VIL1: variants seen among roughly 807,000 people sequenced by gnomAD.
VIL1 encodes the protein villin-1.
A neutral mutation model predicts 104.0 loss-of-function variants in VIL1; 86 were observed. The ratio of observed to expected loss-of-function variants is 0.83; its 90% CI spans 0.69 to 0.99. The LOEUF is 0.99. Ranked by LOEUF, VIL1 falls within the 50% of genes least tolerant of loss-of-function variation. The pLI is 0.00. For missense variants in VIL1, 944 were observed against 1,054.1 expected (o/e 0.90, Z 1.45); for synonymous variants, 394 against 412.6 (o/e 0.95, Z 0.55).
chr2:218,435,417 C>G lies in VIL1; in HGVS notation c.1809C>G (p.Pro603=). ...NFWMALGGKA[P]YANTKRLQEE... ...GGATGGCCCTGGGTGGGAAGGCCCC[C>G]TATGCCAACACCAAGAGGTAACTCT... is the stretch of plus-strand genomic sequence containing the variant. Residue 603 remains proline (P), a synonymous_variant, in exon 15 of 20, where the codon CCC becomes CCG. Coordinates refer to ENST00000248444, the MANE Select transcript of VIL1 (RefSeq NM_007127.3). 1 of 1,613,892 alleles carries G rather than the reference C, an allele frequency of 6.2e-7. No individual in the cohort carries two copies. The highest frequency in any genetic ancestry group is 8.5e-7 in the Non-Finnish European group (1 of 1,179,848).
intron 3 of VIL1, 105 bp from the exon 4 acceptor site, chr2:218,425,510 C>A: frequency 1.7e-6 from 2 of 1,196,788 alleles, no homozygotes; most frequent in Non-Finnish European, 2.4e-6. Flanking sequence ...TGCCCTGTGC[C>A]ACGCTCCCCC....
chr2:218,422,110 C>G (rs1379299313), intron 1 of VIL1, among the ~76,000 whole-genome samples: 1 of 152,144 alleles, frequency 6.6e-6, no homozygotes, highest in Non-Finnish European at 1.5e-5. Flanking sequence ...CAAAAATTAG[C>G]TGGGCTTGGT....
intron 6 of VIL1, among the ~76,000 whole-genome samples, chr2:218,428,758 G>A (rs1362067636): frequency 1.3e-5 from 2 of 152,116 alleles, no homozygotes; most frequent in South Asian, 2.1e-4. Context: ...CGCAACCTCC[G>A]CCTTCTGGGT....
rs1171747551 is a variant in VIL1 at position 218,428,344 on chromosome 2, C to G, written c.567+7C>G. On this transcript the variant is annotated splice_region_variant and intron_variant, in intron 6 of 19. Transcript: ENST00000248444. ...CCGTATGGAGAGACTCAGGGTAAACCTGCCCATGCACCACACCTCCCTCTC... is the reference window on the plus strand; with the variant it reads ...CCGTATGGAGAGACTCAGGGTAAACGTGCCCATGCACCACACCTCCCTCTC... 6.2e-7 allele frequency: 1 copy of G among 1,611,978 alleles called. No homozygotes were observed. Among genetic ancestry groups the G allele is most frequent in the South Asian group, 1.1e-5 (1 of 91,038 alleles).
At chr2:218,449,088 G>A in intron 19 of VIL1, 135 bp from the exon 20 acceptor site, 1 of 695,042 alleles carries the variant, frequency 1.4e-6, no homozygotes, top group Middle Eastern at 4.0e-4. Context: ...TGGCTCTCCT[G>A]ACACTGCTTC....
intron 17 of VIL1, among the ~76,000 whole-genome samples, chr2:218,437,797 G>C (rs557526874): frequency 6.6e-6 from 1 of 152,254 alleles, no homozygotes; most frequent in East Asian, 1.9e-4. Context: ...TCATGTGTGT[G>C]GTCCTTACCT....
At chr2:218,435,612 T>C (rs1336431976) in intron 15 of VIL1, among the ~76,000 whole-genome samples, 178 bp downstream of exon 15, 1 of 152,196 alleles carries the variant, frequency 6.6e-6, no homozygotes, top group African/African-American at 2.4e-5. Context: ...TGGAGCCTCT[T>C]GGCACAGGGG....
At chr2:218,429,147 G>A (rs181606755) in intron 6 of VIL1, 138 bp from the exon 7 acceptor site, 603 of 997,180 alleles carry the variant, frequency 6.0e-4, no homozygotes, top group Non-Finnish European at 8.0e-4. Flanking sequence ...TGACCCCTCC[G>A]ACGGGGAAAA....
chr2:218,421,473 C>T (rs889809119), intron 1 of VIL1, among the ~76,000 whole-genome samples: 1 of 152,258 alleles, frequency 6.6e-6, no homozygotes, highest in African/African-American at 2.4e-5. Context: ...CCAGAGTCCA[C>T]GGTGGCAGGG....
chr2:218,428,831 C>T (rs1263124621), intron 6 of VIL1, among the ~76,000 whole-genome samples: 1 of 152,184 alleles, frequency 6.6e-6, no homozygotes, highest in African/African-American at 2.4e-5. Context: ...ATCACCACAC[C>T]TGGCTAATTT....
intron 14 of VIL1, among the ~76,000 whole-genome samples, chr2:218,435,046 G>A (rs1213292751): frequency 1.3e-5 from 2 of 152,162 alleles, no homozygotes; most frequent in African/African-American, 4.8e-5. Context: ...TTTGATCTCT[G>A]TAAGAAGAAT....
Position 218,435,275 on chromosome 2 carries a change from C to CT in VIL1, c.1681-6dup, listed in dbSNP as rs747368465. 1.4e-4 allele frequency: 230 copies of CT among 1,610,558 alleles called. No homozygotes were observed. Among genetic ancestry groups the CT allele is most frequent in the Non-Finnish European group, 1.7e-4 (205 of 1,177,616 alleles). The stretch of plus-strand genomic sequence containing the variant: ...GGGTGGCACTAGAAATTAGCCAACT[C>CT]TTTTTTTTCCTAGGGTTGTAGCGGG... On this transcript the variant is annotated splice_polypyrimidine_tract_variant and intron_variant, in intron 14 of 19. Transcript: ENST00000248444.
At chr2:218,440,914 T>C (rs755260872) in intron 19 of VIL1, 52 bp downstream of exon 19, 15 of 1,602,976 alleles carry the variant, frequency 9.4e-6, no homozygotes, top group Non-Finnish European at 1.2e-5. Flanking sequence ...TGGACCACCA[T>C]AGTTGACTCC....
chr2:218,440,787 C>A lies in VIL1; in HGVS notation c.2295C>A (p.Pro765=). 1 of 1,614,150 alleles carries A rather than the reference C, an allele frequency of 6.2e-7. No individual in the cohort carries two copies. The highest frequency in any genetic ancestry group is 8.5e-7 in the Non-Finnish European group (1 of 1,180,022). ...GCAACCTCAGTTCTGGGCCTCTGCCCATCTTCCCCCTGGAGCAGCTAGTGA... is the reference window on the plus strand; with the variant it reads ...GCAACCTCAGTTCTGGGCCTCTGCCAATCTTCCCCCTGGAGCAGCTAGTGA... ...ANSNLSSGPL[P]IFPLEQLVNK... Residue 765 remains proline, a synonymous_variant, in exon 19 of 20, where the codon CCC becomes CCA. Coordinates refer to ENST00000248444, the MANE Select transcript of VIL1 (RefSeq NM_007127.3).
intron 15 of VIL1, among the ~76,000 whole-genome samples, chr2:218,436,072 C>G (rs1372492322): frequency 1.3e-5 from 2 of 152,174 alleles, no homozygotes; most frequent in African/African-American, 2.4e-5. Flanking sequence ...CTCCTGACCT[C>G]AGGTGATCCA....
chr2:218,444,477 A>G (rs752839649), intron 19 of VIL1, among the ~76,000 whole-genome samples: 10 of 150,948 alleles, frequency 6.6e-5, no homozygotes, highest in South Asian at 2.1e-4. Flanking sequence ...ACGGGGTTTC[A>G]CTGTGTTAGC....
chr2:218,445,824 C>T (rs1337377582), intron 19 of VIL1, among the ~76,000 whole-genome samples: 1 of 152,080 alleles, frequency 6.6e-6, no homozygotes, highest in African/African-American at 2.4e-5. Context: ...TTTAGCTTGC[C>T]TTAAACAGTA....
chr2:218,435,146 T>C (rs2106394308), intron 14 of VIL1, 143 bp from the exon 15 acceptor site: 1 of 1,123,918 alleles, frequency 8.9e-7, no homozygotes, highest in Non-Finnish European at 1.3e-6. Flanking sequence ...GAAGAAAGCA[T>C]GGAATTGTCC....
In VIL1 at chr2:218,437,232, C is replaced by T. The variant is rs1689207406; in HGVS notation, c.2080C>T (p.Pro694Ser). The change falls in exon 17 of 20, where the codon CCC becomes TCC. Residue 694 changes from proline (P) to serine (S), a missense_variant. Coordinates refer to ENST00000248444, the MANE Select transcript of VIL1 (RefSeq NM_007127.3). The part of the protein sequence containing the change: ...THPSGRDPET[P>S]IIVVKQGHEP... The stretch of plus-strand genomic sequence containing the variant: ...TCCCAGCGGGCGTGACCCTGAGACC[C>T]CCATCATTGTGGTGAAGCAGGGACA... 5 of 1,614,222 alleles carry T rather than the reference C, an allele frequency of 3.1e-6. No homozygotes were observed. Among genetic ancestry groups the T allele is most frequent in the Non-Finnish European group, 4.2e-6 (5 of 1,180,042 alleles).
Sources: gnomAD v4.1 joint callset for allele counts (sites outside exome capture counted in the v4.1 genomes callset) on GRCh38, gnomAD v4.1.1 for gene constraint, MANE v1.5 for transcripts, NCBI Gene and HGNC (gene_info 2026-07-23, HGNC 2026-07-21) for gene names.